The following ANKRD40 variants were observed in gnomAD, a reference collection of about 807,000 sequenced individuals.
ANKRD40 encodes ankyrin repeat domain 40.
ANKRD40 carries 24 observed loss-of-function variants against 35.5 expected under a neutral mutation model. The observed-to-expected ratio is 0.68, with a 90% CI of 0.49 to 0.95. The LOEUF is 0.95. Among genes scored for constraint, ANKRD40 ranks in the 40% least tolerant of loss-of-function variants. The pLI, the probability that ANKRD40 is intolerant of heterozygous loss-of-function variation, is 0.00. For missense variants in ANKRD40, 361 were observed against 436.0 expected, an observed-to-expected ratio of 0.83 and a Z score of 1.53; for synonymous variants, 147 against 173.5, an observed-to-expected ratio of 0.85 and a Z score of 1.20.
At position 50,707,683 on chromosome 17, in the gene ANKRD40, GC is replaced by G. The variant is rs3833149; in HGVS notation, c.-30del. ...CCCACAGCCCCAGGCCCCCGCCCAG[GC>G]CCGCCTGCCCCGCCCCGCCCGGGGC... On this transcript the variant is annotated 5_prime_UTR_variant, in exon 1 of 5. Transcript: ENST00000285243. This position sits in a 1 kb window ranked among gnomAD's most constrained non-coding sequence, Gnocchi z 4.8. The G allele has an allele frequency of 0.068, 94,858 of 1,385,972 alleles. 3,341 individuals are homozygous for G. Among genetic ancestry groups the G allele is most frequent in the South Asian group, 0.077 (4,783 of 61,770 alleles). The allele number at this position is 1,385,972 out of a possible 1,614,324, so 85.9% of individuals were successfully genotyped here. A position where few individuals can be genotyped will look rare whatever the true frequency, so the allele number is the denominator to read the frequency against.
intron 4 of ANKRD40, 152 bp from the exon 5 acceptor site, chr17:50,696,295 A>G: frequency 1.1e-6 from 1 of 880,724 alleles, no homozygotes; most frequent in South Asian, 1.9e-5. Flanking sequence ...AGTGCAACTA[A>G]GGCCCCAGGA....
chr17:50,705,120 C>CA (rs56389674), intron 1 of ANKRD40, among the ~76,000 whole-genome samples: 1,530 of 108,566 alleles, frequency 0.014, 38 homozygotes, highest in Admixed American at 0.05. Context: ...GACTCTGTCT[C>CA]AAAAAAAAAA....
intron 4 of ANKRD40, chr17:50,696,586 CA>C: frequency 4.4e-6 from 1 of 226,052 alleles, no homozygotes; most frequent in Non-Finnish European, 8.6e-6. Context: ...AAAATAGGAA[CA>C]CGTGAATGAT....
intron 1 of ANKRD40, among the ~76,000 whole-genome samples, chr17:50,706,903 C>CAAAAAAAAAAAAAAAAAAAAAAAA (rs35024672): frequency 2.1e-4 from 8 of 37,968 alleles, no homozygotes; most frequent in Non-Finnish European, 2.6e-4. Flanking sequence ...GACCCTGTCT[C>CAAAAAAAAAAAAAAAAAAAAAAAA]AAAAAAAAAA....
intron 3 of ANKRD40, among the ~76,000 whole-genome samples, 158 bp from the exon 4 acceptor site, chr17:50,697,279 G>C (rs1161779915): frequency 6.6e-6 from 1 of 152,226 alleles, no homozygotes; most frequent in African/African-American, 2.4e-5. Flanking sequence ...AGCCAGCAGG[G>C]TTTGCTCAGG....
intron 1 of ANKRD40, among the ~76,000 whole-genome samples, chr17:50,702,668 A>G (rs1309096602): frequency 6.6e-6 from 1 of 152,180 alleles, no homozygotes; most frequent in African/African-American, 2.4e-5. Flanking sequence ...GGCAAGCTTG[A>G]GAGTAAAGGA....
chr17:50,699,493 T>C lies in ANKRD40; in HGVS notation c.684A>G (p.Pro228=), dbSNP rs935147087. Residue 228 remains proline (P), a synonymous_variant, in exon 3 of 5, where the codon CCA becomes CCG. Coordinates refer to ENST00000285243, the MANE Select transcript of ANKRD40 (RefSeq NM_052855.4). ...SLFSSVPSKP[P]MSLEPQNGTY... ...TCCCATTTTGAGGCTCCAGAGACAT[T>C]GGTGGCTTGGACGGGACAGAAGAAA... 1.2e-6 allele frequency: 2 copies of C among 1,614,002 alleles called. No homozygotes were observed. Among genetic ancestry groups the C allele is most frequent in the African/African-American group, 1.3e-5 (1 of 74,870 alleles).
chr17:50,705,037 C>T (rs1414051667), intron 1 of ANKRD40, among the ~76,000 whole-genome samples: 1 of 151,476 alleles, frequency 6.6e-6, no homozygotes, highest in Non-Finnish European at 1.5e-5. Flanking sequence ...TGGCGTGAAC[C>T]CAGGAGGCAG....
In ANKRD40 at chr17:50,707,313, C is replaced by T. The variant is rs1968352367; in HGVS notation, c.134+208G>A. ...CCAGTGGGCGCTGCCCCGAGTGGAC[C>T]ACGTGGGCCGGGATTTGGGCAGGAC... On this transcript the variant is annotated intron_variant, in intron 1 of 4. Coordinates refer to ENST00000285243, the MANE Select transcript of ANKRD40 (RefSeq NM_052855.4). This position sits in a 1 kb window ranked among gnomAD's most constrained non-coding sequence, Gnocchi z 4.8. Among the ~76,000 whole-genome samples, 1 of 152,094 alleles carries T rather than the reference C, an allele frequency of 6.6e-6. No homozygotes were observed. Among genetic ancestry groups the T allele is most frequent in the Admixed American group, 6.5e-5 (1 of 15,274 alleles).
In ANKRD40 at chr17:50,694,881, T is replaced by G. The variant is rs1968178223; in HGVS notation, c.*1116A>C. The G allele has an allele frequency of 6.6e-6, 1 of 152,218 alleles. No homozygotes were observed. The highest frequency in any genetic ancestry group is 6.5e-5 in the Admixed American group (1 of 15,280). 9.4% of individuals were successfully genotyped at this position (152,218 alleles called of 1,614,324 possible). A position where few individuals can be genotyped will look rare whatever the true frequency, so the allele number is the denominator to read the frequency against. ...ATAATTTCAAAATAACCTTTATTTT[T>G]GATACAAAAATAAAGATGCTAACTC... is the stretch of plus-strand genomic sequence containing the variant. On this transcript the variant is annotated 3_prime_UTR_variant, in exon 5 of 5. Coordinates refer to ENST00000285243, the MANE Select transcript of ANKRD40 (RefSeq NM_052855.4).
Position 50,707,626 on chromosome 17 carries a change from T to C in ANKRD40, c.29A>G (p.Gln10Arg), listed in dbSNP as rs1277521222. 4 of 1,596,358 alleles carry C rather than the reference T, an allele frequency of 2.5e-6. No homozygotes were observed. In the African/African-American group the frequency reaches 4.1e-5, roughly 16 times the overall value. ...CGCGGCCTCCCGCAGCCTCTCCTGC[T>C]GCTCCTTCTGCTCTAGGAGGGCGTT... is the stretch of plus-strand genomic sequence containing the variant. Reference protein sequence around the residue: MNALLEQKEQQERLREAAAL... With the variant: MNALLEQKERQERLREAAAL... The change falls in exon 1 of 5, where the codon CAG becomes CGG. Residue 10 changes from glutamine (Q) to arginine (R), a missense_variant. Gln to Arg is a conservative substitution (Grantham distance 43). Coordinates refer to ENST00000285243, the MANE Select transcript of ANKRD40 (RefSeq NM_052855.4). The surrounding 1 kb of genome is among the most constrained non-coding windows in gnomAD (Gnocchi z 4.8).
At chr17:50,697,411 T>C (rs1332575230) in intron 3 of ANKRD40, among the ~76,000 whole-genome samples, 1 of 152,218 alleles carries the variant, frequency 6.6e-6, no homozygotes, top group Non-Finnish European at 1.5e-5. Context: ...ATAATTTACT[T>C]CTGCCATTGG....
At chr17:50,701,440 C>A (rs1968271106) in intron 1 of ANKRD40, among the ~76,000 whole-genome samples, 1 of 152,202 alleles carries the variant, frequency 6.6e-6, no homozygotes, top group Non-Finnish European at 1.5e-5. Context: ...ACAGGTTCTT[C>A]TAACATATCA....
At position 50,700,676 on chromosome 17, in the gene ANKRD40, C is replaced by T. The variant is rs1968262231; in HGVS notation, c.175G>A (p.Val59Met). The change falls in exon 2 of 5, where the codon GTG (valine) becomes ATG (methionine). Residue 59 changes from valine (V) to methionine (M), a missense_variant. By Grantham distance (21) the Val-to-Met change is conservative. Transcript: ENST00000285243. Reference protein sequence around the residue: ...HWACKRNHGQVVSYLLKSGAD... With the variant: ...HWACKRNHGQMVSYLLKSGAD... ...CCTGATTTTAACAGGTAAGAGACCACCTGACCATGGTTTCGTTTACATGCC... is the reference window on the plus strand; with the variant it reads ...CCTGATTTTAACAGGTAAGAGACCATCTGACCATGGTTTCGTTTACATGCC... 2.5e-6 allele frequency: 4 copies of T among 1,613,930 alleles called. No homozygotes were observed. The highest frequency in any genetic ancestry group is 4.5e-5 in the East Asian group (2 of 44,878).
chr17:50,706,468 C>T (rs190977066), intron 1 of ANKRD40, among the ~76,000 whole-genome samples: 140 of 152,080 alleles, frequency 9.2e-4, no homozygotes, highest in African/African-American at 3.1e-3. Context: ...ATGCAGAGAG[C>T]GGAATAATGC....
chr17:50,697,961 G>C lies in ANKRD40; in HGVS notation c.779-840C>G, dbSNP rs936822463. ...TTGGAAGAATCAGGATGAACTTGTG[G>C]TTTTTAATATTTTTAAAAAGTTATA... is the stretch of plus-strand genomic sequence containing the variant. On this transcript the variant is annotated intron_variant, in intron 3 of 4. Transcript: ENST00000285243. Among the ~76,000 whole-genome samples, 6 of 152,292 alleles carry C rather than the reference G, an allele frequency of 3.9e-5. No homozygotes were observed. In the South Asian group the frequency reaches 1.2e-3, roughly 32 times the overall value.
chr17:50,704,390 C>T (rs1319825953), intron 1 of ANKRD40, among the ~76,000 whole-genome samples: 1 of 151,878 alleles, frequency 6.6e-6, no homozygotes, highest in Non-Finnish European at 1.5e-5. Context: ...GTGGCACACA[C>T]CTGTAATCCT....
Position 50,693,715 on chromosome 17 carries a change from T to C in ANKRD40, c.*2282A>G, listed in dbSNP as rs897272707. The stretch of plus-strand genomic sequence containing the variant: ...CCAAGTAACTTAAGACATGAATTAA[T>C]AGTGAATTTATTTCCTCTAGGACAG... On this transcript the variant is annotated 3_prime_UTR_variant, in exon 5 of 5. Coordinates refer to ENST00000285243, the MANE Select transcript of ANKRD40 (RefSeq NM_052855.4). 1 of 152,244 alleles carries C rather than the reference T, an allele frequency of 6.6e-6. No individual in the cohort carries two copies. The highest frequency in any genetic ancestry group is 6.5e-5 in the Admixed American group (1 of 15,286). 9.4% of individuals were successfully genotyped at this position (152,244 alleles called of 1,614,324 possible). A position where few individuals can be genotyped will look rare whatever the true frequency, so the allele number is the denominator to read the frequency against.
chr17:50,705,120 CAAAA>C (rs56389674), intron 1 of ANKRD40, among the ~76,000 whole-genome samples: 14 of 108,696 alleles, frequency 1.3e-4, no homozygotes, highest in Admixed American at 9.3e-5. Context: ...GACTCTGTCT[CAAAA>C]AAAAAAAAAA....
Sources: gnomAD v4.1 joint callset for allele counts (sites outside exome capture counted in the v4.1 genomes callset) on GRCh38, gnomAD v4.1.1 for gene constraint, Gnocchi (gnomAD v3.1) non-coding constraint, MANE v1.5 for transcripts, NCBI Gene and HGNC (gene_info 2026-07-23, HGNC 2026-07-21) for gene names.